Variants in MX1 observed in about 807,000 individuals in gnomAD.
MX1 encodes interferon-induced GTP-binding protein Mx1.
Under a neutral mutation model 66.4 loss-of-function variants are expected in MX1, and 66 were observed. The observed-to-expected ratio is 0.99, with a 90% CI of 0.82 to 1.22. MX1 has a LOEUF of 1.22. Among genes scored for constraint, MX1 ranks in the 50% most tolerant of loss-of-function variants. MX1 has a pLI of 0.00. For missense variants in MX1, 787 were observed against 834.3 expected, an observed-to-expected ratio of 0.94 and a Z score of 0.70; for synonymous variants, 311 against 318.1, an observed-to-expected ratio of 0.98 and a Z score of 0.24.
At chr21:41,427,408 A>G (rs1472808626) in intron 2 of MX1, 104 bp downstream of exon 2, 2 of 152,310 alleles carry the variant, frequency 1.3e-5, no homozygotes, top group Non-Finnish European at 2.9e-5. Context: ...TTTCAGAAGA[A>G]AAGGTGAATG....
intron 11 of MX1, among the ~76,000 whole-genome samples, chr21:41,444,318 C>CTTTTTTTTTTTTTTTTTTTTTTTTT (rs11317486): frequency 2.8e-5 from 2 of 71,526 alleles, no homozygotes; most frequent in Non-Finnish European, 4.9e-5. Flanking sequence ...TCTTTTCTTT[C>CTTTTTTTTTTTTTTTTTTTTTTTTT]TTTTTTTTTT....
intron 8 of MX1, 42 bp from the exon 9 acceptor site, chr21:41,440,845 C>G (rs1360542132): frequency 1.9e-6 from 3 of 1,613,424 alleles, no homozygotes; most frequent in Non-Finnish European, 2.5e-6. Flanking sequence ...TCTCACTTGC[C>G]TTTGCCATAC....
chr21:41,440,733 T>C (rs1305078100), intron 8 of MX1, among the ~76,000 whole-genome samples, 154 bp from the exon 9 acceptor site: 1 of 152,086 alleles, frequency 6.6e-6, no homozygotes, highest in Non-Finnish European at 1.5e-5. Context: ...ACCTCCAGGG[T>C]TGTGTTTGTG....
At position 41,458,860 on chromosome 21, in the gene MX1, T is replaced by C; in HGVS notation, c.*102T>C. 1.3e-6 allele frequency: 2 copies of C among 1,484,164 alleles called. No individual in the cohort carries two copies. The highest frequency in any genetic ancestry group is 1.8e-6 in the Non-Finnish European group (2 of 1,117,926). 91.9% of individuals were successfully genotyped at this position (1,484,164 alleles called of 1,614,324 possible). On this transcript the variant is annotated 3_prime_UTR_variant, in exon 17 of 17. Coordinates refer to ENST00000398598, the MANE Select transcript of MX1 (RefSeq NM_002462.5). ...TTGAGTGCTCAGTAGTCAGACTGGA[T>C]AGTCCGTCTCTGCTTATCCGTTAGC...
chr21:41,444,314 C>CTTTTT (rs1300035216), intron 11 of MX1, among the ~76,000 whole-genome samples: 3 of 103,298 alleles, frequency 2.9e-5, no homozygotes, highest in Admixed American at 9.8e-5. Flanking sequence ...CTTTTCTTTT[C>CTTTTT]TTTCTTTTTT....
At position 41,427,289 on chromosome 21, in the gene MX1, C is replaced by T. The variant is rs2090089964; in HGVS notation, c.-225C>T. 1.3e-5 allele frequency: 2 copies of T among 152,258 alleles called. No homozygotes were observed. The highest frequency in any genetic ancestry group is 1.3e-4 in the Admixed American group (2 of 15,288). 9.4% of individuals were successfully genotyped at this position (152,258 alleles called of 1,614,324 possible). On this transcript the variant is annotated 5_prime_UTR_variant, in exon 2 of 17. Transcript: ENST00000398598. Reference sequence around the variant, plus strand: ...CGCCCTTGCCGCCCACCTGCTCACCCAGCTCAGGGGCTTTGGTAGGTAGCA... The same window carrying T: ...CGCCCTTGCCGCCCACCTGCTCACCTAGCTCAGGGGCTTTGGTAGGTAGCA...
intron 5 of MX1, 121 bp from the exon 6 acceptor site, chr21:41,435,716 G>GACAC: frequency 8.9e-6 from 10 of 1,121,880 alleles, no homozygotes; most frequent in Non-Finnish European, 1.3e-5. Flanking sequence ...TCTCTCCCTT[G>GACAC]ACACGTAGGG....
At chr21:41,439,924 G>T in intron 8 of MX1, 76 bp downstream of exon 8, 1 of 1,479,600 alleles carries the variant, frequency 6.8e-7, no homozygotes, top group Non-Finnish European at 9.3e-7. Flanking sequence ...GAGAAAGAGG[G>T]TACTGTATTA....
chr21:41,432,176 G>A lies in MX1; in HGVS notation c.105+1G>A. ...TGTGGCCCAGAAAAATCCAGGCTCGGTAAGTTGCTCTCTGAAAGTCGCTAT... is the reference window on the plus strand; with the variant it reads ...TGTGGCCCAGAAAAATCCAGGCTCGATAAGTTGCTCTCTGAAAGTCGCTAT... On this transcript the variant is annotated splice_donor_variant, in intron 5 of 16. Coordinates refer to ENST00000398598, the MANE Select transcript of MX1 (RefSeq NM_002462.5). LOFTEE classifies it high-confidence loss of function. 6.2e-7 allele frequency: 1 copy of A among 1,613,726 alleles called. No homozygotes were observed. The highest frequency in any genetic ancestry group is 8.5e-7 in the Non-Finnish European group (1 of 1,179,922).
rs1449430208 is a variant in MX1, at chr21:41,441,760, A to G, written c.775A>G (p.Lys259Glu). The G allele has an allele frequency of 1.2e-6, 2 of 1,614,212 alleles. No homozygotes were observed. Among genetic ancestry groups the G allele is most frequent in the Non-Finnish European group, 1.7e-6 (2 of 1,180,038 alleles). The change falls in exon 10 of 17, where the codon AAG (lysine) becomes GAG (glutamate). Residue 259 changes from lysine (K) to glutamate (E), a missense_variant. Lys to Glu is a moderately conservative substitution (Grantham distance 56). Coordinates refer to ENST00000398598, the MANE Select transcript of MX1 (RefSeq NM_002462.5). The surrounding 1 kb of genome is among the most constrained non-coding windows in gnomAD (Gnocchi z 4.0). Reference protein sequence around the residue: ...PDLVDKGTEDKVVDVVRNLVF... With the variant: ...PDLVDKGTEDEVVDVVRNLVF... ...TCTGGTGGACAAAGGAACTGAAGAC[A>G]AGGTTGTGGACGTGGTGCGGAACCT...
At chr21:41,436,127 C>T (rs468451) in intron 6 of MX1, 98 bp downstream of exon 6, 23 of 1,409,368 alleles carry the variant, frequency 1.6e-5, no homozygotes, top group East Asian at 2.4e-5. Flanking sequence ...TCTCACAGTT[C>T]TGGAGACTGG....
intron 16 of MX1, among the ~76,000 whole-genome samples, chr21:41,458,014 A>G (rs2090997358): frequency 6.6e-6 from 1 of 151,940 alleles, no homozygotes; most frequent in South Asian, 2.1e-4. Context: ...CTATTTATTT[A>G]TTATTATGAG....
At chr21:41,455,519 G>A (rs529769028) in intron 16 of MX1, among the ~76,000 whole-genome samples, 1 of 152,382 alleles carries the variant, frequency 6.6e-6, no homozygotes, top group East Asian at 1.9e-4. Flanking sequence ...TCCGAGCCAA[G>A]CAGCTCCCTG....
chr21:41,437,956 T>C (rs549401106), intron 7 of MX1, among the ~76,000 whole-genome samples: 2 of 152,342 alleles, frequency 1.3e-5, no homozygotes, highest in African/African-American at 4.8e-5. Context: ...CAAGGATCAA[T>C]TTGAAGTGTC....
chr21:41,453,809 G>A (rs467519), intron 16 of MX1, among the ~76,000 whole-genome samples: 60,431 of 152,044 alleles, frequency 0.4, 14,745 homozygotes, highest in Non-Finnish European at 0.56. Context: ...GGAGCTTACC[G>A]GTCATAGGTG....
chr21:41,458,670 G>C lies in MX1; in HGVS notation c.1901G>C (p.Ser634Thr), dbSNP rs148464043. 7.7e-4 allele frequency: 1,249 copies of C among 1,614,198 alleles called. 9 individuals carry two copies. The African/African-American group carries it at 0.015, about 19-fold the overall frequency. Residue 634 changes from serine (S) to threonine (T), a missense_variant, in exon 17 of 17, where the codon AGC (serine) becomes ACC (threonine). Transcript: ENST00000398598. The part of the protein sequence containing the change: ...DTYSWLLKER[S>T]DTSDKRKFLK... Reference sequence around the variant, plus strand: ...TACAGCTGGCTCCTGAAGGAGCGGAGCGACACCAGCGACAAGCGGAAGTTC... The same window carrying C: ...TACAGCTGGCTCCTGAAGGAGCGGACCGACACCAGCGACAAGCGGAAGTTC...
chr21:41,437,602 C>T (rs1032889535), intron 7 of MX1, among the ~76,000 whole-genome samples: 6 of 152,194 alleles, frequency 3.9e-5, no homozygotes, highest in African/African-American at 1.4e-4. Flanking sequence ...GATCTTGCTA[C>T]GGCACTCTAG....
At chr21:41,440,753 C>T in intron 8 of MX1, 134 bp from the exon 9 acceptor site, 1 of 1,050,022 alleles carries the variant, frequency 9.5e-7, no homozygotes, top group Non-Finnish European at 1.5e-6. Context: ...GGGTTCATTT[C>T]TCCAAAGTTA....
chr21:41,455,665 C>T (rs571975536), intron 16 of MX1, among the ~76,000 whole-genome samples: 4 of 152,170 alleles, frequency 2.6e-5, no homozygotes, highest in Admixed American at 1.3e-4. Flanking sequence ...TGCTCTGTAC[C>T]CTGCCTCTTT....
Sources: gnomAD v4.1 joint callset for allele counts (sites outside exome capture counted in the v4.1 genomes callset) on GRCh38, gnomAD v4.1.1 for gene constraint, Gnocchi (gnomAD v3.1) non-coding constraint, MANE v1.5 for transcripts, NCBI Gene and HGNC (gene_info 2026-07-23, HGNC 2026-07-21) for gene names.